PRICKLE1: variants seen among roughly 807,000 people sequenced by gnomAD.
The protein encoded by PRICKLE1 is prickle-like protein 1.
A neutral mutation model predicts 70.2 loss-of-function variants in PRICKLE1; 14 were observed. The observed-to-expected ratio is 0.20, with a 90% CI of 0.13 to 0.31. The LOEUF (loss-of-function observed/expected upper bound fraction) is 0.31. Among genes scored for constraint, PRICKLE1 ranks in the 10% least tolerant of loss-of-function variants. PRICKLE1 has a pLI of 1.00. For synonymous variants in PRICKLE1, 357 were observed against 379.9 expected (o/e 0.94, Z 0.70); for missense variants, 821 against 1,026.2 (o/e 0.80, Z 2.73).
In PRICKLE1 at chr12:42,464,418, G is replaced by C; in HGVS notation, c.1616C>G (p.Ser539Cys). Reference protein sequence around the residue: ...PEQSVRDSMDSLALSNITGAS... With the variant: ...PEQSVRDSMDCLALSNITGAS... Reference sequence around the variant, plus strand: ...ACCTGTGATATTGGACAATGCCAAAGAATCCATCGAATCCCGAACACTTTG... The same window carrying C: ...ACCTGTGATATTGGACAATGCCAAACAATCCATCGAATCCCGAACACTTTG... The change falls in exon 7 of 8, where the codon TCT (serine) becomes TGT (cysteine). Residue 539 changes from serine to cysteine, a missense_variant. Physicochemically the swap from Ser to Cys is moderately radical, Grantham distance 112 (BLOSUM62 -1). Transcript: ENST00000345127. This position sits in a 1 kb window ranked among gnomAD's most constrained non-coding sequence, Gnocchi z 4.2. The C allele has an allele frequency of 6.2e-7, 1 of 1,614,072 alleles. No homozygotes were observed. The highest frequency in any genetic ancestry group is 8.5e-7 in the Non-Finnish European group (1 of 1,180,020).
At chr12:42,570,335 C>T (rs1388731858) in intron 1 of PRICKLE1, among the ~76,000 whole-genome samples, 2 of 152,190 alleles carry the variant, frequency 1.3e-5, no homozygotes, top group African/African-American at 4.8e-5. Context: ...TTCCATCTGG[C>T]AGCTCAACTG....
intron 1 of PRICKLE1, among the ~76,000 whole-genome samples, chr12:42,523,266 C>T (rs1476404718): frequency 6.6e-6 from 1 of 152,168 alleles, no homozygotes; most frequent in South Asian, 2.1e-4. Flanking sequence ...CGCGTCCAGC[C>T]AATTTTTTGT....
intron 3 of PRICKLE1, 62 bp downstream of exon 3, chr12:42,470,184 C>G (rs1388756967): frequency 6.2e-5 from 74 of 1,189,536 alleles, no homozygotes; most frequent in Non-Finnish European, 7.3e-5. Flanking sequence ...TGAGCAGCAT[C>G]TCAATGCTTC....
At chr12:42,542,317 C>T (rs1016943401) in intron 1 of PRICKLE1, among the ~76,000 whole-genome samples, 3 of 151,650 alleles carry the variant, frequency 2.0e-5, no homozygotes, top group Non-Finnish European at 4.4e-5. Context: ...AATGTTATTA[C>T]ATATTTAATC....
chr12:42,555,520 A>T (rs1940399950), intron 1 of PRICKLE1, among the ~76,000 whole-genome samples: 1 of 152,138 alleles, frequency 6.6e-6, no homozygotes, highest in East Asian at 1.9e-4. Flanking sequence ...TTCACAACAT[A>T]TATTTACCTG....
At chr12:42,582,131 A>G (rs1940912339) in intron 1 of PRICKLE1, among the ~76,000 whole-genome samples, 1 of 152,246 alleles carries the variant, frequency 6.6e-6, no homozygotes, top group African/African-American at 2.4e-5. Flanking sequence ...TTAGCCTGCC[A>G]AGCTGTTTAA....
chr12:42,494,931 C>G (rs1431513171), intron 1 of PRICKLE1, among the ~76,000 whole-genome samples: 6 of 143,814 alleles, frequency 4.2e-5, no homozygotes, highest in Non-Finnish European at 3.0e-5. Flanking sequence ...GGATTTTGCT[C>G]TCACCATGGC....
chr12:42,468,617 T>C lies in PRICKLE1; in HGVS notation c.588+9A>G. The C allele has an allele frequency of 6.2e-7, 1 of 1,613,566 alleles. No homozygotes were observed. On this transcript the variant is annotated intron_variant, in intron 5 of 7. Coordinates refer to ENST00000345127, the MANE Select transcript of PRICKLE1 (RefSeq NM_153026.3). ...TTTTCCCAGTGTGAAAGGATGAACT[T>C]TTTTTTACCTCGTCACATGCTGAGC...
intron 1 of PRICKLE1, among the ~76,000 whole-genome samples, chr12:42,564,200 G>C (rs907211953): frequency 2.2e-5 from 3 of 135,688 alleles, no homozygotes; most frequent in Non-Finnish European, 4.6e-5. Context: ...AGGTTGCAGT[G>C]AGCCAAGATC....
At position 42,498,228 on chromosome 12, in the gene PRICKLE1, G is replaced by A. The variant is rs575831815; in HGVS notation, c.-48-25664C>T. ...TGCTCTGTCACCCAGGCTAGAATGC[G>A]GTGGTGCGATCATGGCTCACTGCAG... On this transcript the variant is annotated intron_variant, in intron 1 of 7. Coordinates refer to ENST00000345127, the MANE Select transcript of PRICKLE1 (RefSeq NM_153026.3). Among the ~76,000 whole-genome samples the A allele has an allele frequency of 1.7e-4, 26 of 149,554 alleles. No individual in the cohort carries two copies. In the South Asian group the frequency reaches 4.2e-3, roughly 24 times the overall value.
intron 1 of PRICKLE1, among the ~76,000 whole-genome samples, chr12:42,510,458 C>G (rs1163697908): frequency 6.6e-6 from 1 of 152,102 alleles, no homozygotes; most frequent in African/African-American, 2.4e-5. Context: ...CTTTGGGAGG[C>G]CAAGGTGGGA....
chr12:42,572,503 T>G (rs1371966985), intron 1 of PRICKLE1, among the ~76,000 whole-genome samples: 1 of 151,960 alleles, frequency 6.6e-6, no homozygotes, highest in Non-Finnish European at 1.5e-5. Context: ...ATAACGTGCT[T>G]ATAGCCCACA....
At chr12:42,537,756 C>A (rs1291840015) in intron 1 of PRICKLE1, among the ~76,000 whole-genome samples, 2 of 152,166 alleles carry the variant, frequency 1.3e-5, no homozygotes, top group African/African-American at 4.8e-5. Context: ...TTGGTAAATT[C>A]AACTTTTATC....
At chr12:42,524,034 T>G (rs1939758510) in intron 1 of PRICKLE1, among the ~76,000 whole-genome samples, 1 of 152,266 alleles carries the variant, frequency 6.6e-6, no homozygotes, top group Non-Finnish European at 1.5e-5. Flanking sequence ...GAACAGACCA[T>G]GGCTTTACTG....
chr12:42,495,896 C>T (rs905754159), intron 1 of PRICKLE1, among the ~76,000 whole-genome samples: 1 of 152,152 alleles, frequency 6.6e-6, no homozygotes, highest in African/African-American at 2.4e-5. Context: ...CCCAGCCCCA[C>T]TGAAGTCTTG....
intron 1 of PRICKLE1, among the ~76,000 whole-genome samples, chr12:42,578,068 G>C (rs1048315775): frequency 6.6e-6 from 1 of 152,168 alleles, no homozygotes; most frequent in African/African-American, 2.4e-5. Context: ...AAAGTGTTTT[G>C]TGTACTTTGG....
chr12:42,466,115 A>G, intron 6 of PRICKLE1, 79 bp downstream of exon 6: 2 of 1,504,416 alleles, frequency 1.3e-6, no homozygotes, highest in East Asian at 4.5e-5. Context: ...AAAAAACAGA[A>G]AAAGAAAAAA....
Position 42,489,483 on chromosome 12 carries a change from A to C in PRICKLE1, c.-48-16919T>G, listed in dbSNP as rs1939052419. Among the ~76,000 whole-genome samples, 3 of 150,514 alleles carry C rather than the reference A, an allele frequency of 2.0e-5. No individual in the cohort carries two copies. The South Asian group carries it at 6.4e-4, about 32-fold the overall frequency. On this transcript the variant is annotated intron_variant, in intron 1 of 7. Transcript: ENST00000345127. The stretch of plus-strand genomic sequence containing the variant: ...GAAACCAGCCTGGCCAACATGGTGA[A>C]ACCCCGTCTCTACTAAAATATACAA...
rs68143024 is a variant in PRICKLE1, at chr12:42,583,148, CGTGTGT to C, written c.-49+6311_-49+6316del. ...GCAGTTTACTATTATTAGATTGAAA[CGTGTGT>C]GTGTGTGTGTGTGTGTGTGTGTGTA... On this transcript the variant is annotated intron_variant, in intron 1 of 7. Transcript: ENST00000345127. Among the ~76,000 whole-genome samples, 556 of 148,286 alleles carry C rather than the reference CGTGTGT, an allele frequency of 3.7e-3. 8 individuals carry two copies. Among genetic ancestry groups the C allele is most frequent in the East Asian group, 0.035 (174 of 5,008 alleles).
Sources: gnomAD v4.1 joint callset for allele counts (sites outside exome capture counted in the v4.1 genomes callset) on GRCh38, gnomAD v4.1.1 for gene constraint, Gnocchi (gnomAD v3.1) non-coding constraint, MANE v1.5 for transcripts, NCBI Gene and HGNC (gene_info 2026-07-23, HGNC 2026-07-21) for gene names.